Variants in PLCXD3 observed in about 807,000 individuals in gnomAD.
PLCXD3 encodes PI-PLC X domain-containing protein 3.
In PLCXD3, 19 loss-of-function variants were observed where a neutral mutation model predicts 25.5. The ratio of observed to expected loss-of-function variants is 0.75; its 90% CI spans 0.52 to 1.09. The LOEUF (loss-of-function observed/expected upper bound fraction) is 1.09. PLCXD3 is among the 50% of genes least tolerant of loss of function. The pLI is 0.00. For missense variants in PLCXD3, 411 were observed against 388.1 expected, an observed-to-expected ratio of 1.06 and a Z score of -0.50; for synonymous variants, 174 against 137.6, an observed-to-expected ratio of 1.26 and a Z score of -1.85.
At chr5:41,447,656 A>T (rs1747535415) in intron 1 of PLCXD3, among the ~76,000 whole-genome samples, 1 of 152,244 alleles carries the variant, frequency 6.6e-6, no homozygotes, top group South Asian at 2.1e-4. Flanking sequence ...AATTGCCAAG[A>T]TTGGGACGGA....
chr5:41,330,344 A>G (rs1221491850), intron 2 of PLCXD3, among the ~76,000 whole-genome samples: 3 of 152,254 alleles, frequency 2.0e-5, no homozygotes, highest in African/African-American at 7.2e-5. Context: ...TAGAAAATCA[A>G]GAAGAAATGG....
At chr5:41,405,822 T>C (rs1024518089) in intron 1 of PLCXD3, among the ~76,000 whole-genome samples, 2 of 152,116 alleles carry the variant, frequency 1.3e-5, no homozygotes, top group African/African-American at 4.8e-5. Context: ...ATTCTCAGAT[T>C]AGTCTACTTA....
chr5:41,363,119 T>G (rs766191659), intron 2 of PLCXD3, among the ~76,000 whole-genome samples: 2 of 152,194 alleles, frequency 1.3e-5, no homozygotes, highest in Non-Finnish European at 2.9e-5. Context: ...AAATGACTTC[T>G]CCTGGCTTAC....
chr5:41,503,776 G>A (rs955421669), intron 1 of PLCXD3, among the ~76,000 whole-genome samples: 1 of 152,142 alleles, frequency 6.6e-6, no homozygotes, highest in Non-Finnish European at 1.5e-5. Context: ...AGACATGAGA[G>A]GAGTCTATAA....
chr5:41,365,558 C>G (rs182350778), intron 2 of PLCXD3, among the ~76,000 whole-genome samples: 143 of 152,276 alleles, frequency 9.4e-4, no homozygotes, highest in African/African-American at 3.3e-3. Context: ...AAGCCCACAG[C>G]ACATTCTATG....
At chr5:41,464,693 CT>C (rs753358909) in intron 1 of PLCXD3, among the ~76,000 whole-genome samples, 4 of 152,042 alleles carry the variant, frequency 2.6e-5, no homozygotes, top group Non-Finnish European at 4.4e-5. Flanking sequence ...AATCTGAAGA[CT>C]TATGTCTTCT....
intron 1 of PLCXD3, among the ~76,000 whole-genome samples, chr5:41,403,195 GATATAAA>G (rs1164577256): frequency 6.6e-6 from 1 of 150,978 alleles, no homozygotes; most frequent in East Asian, 1.9e-4. Context: ...TTGTGGATAT[GATATAAA>G]ATGCATTTCT....
chr5:41,383,914 C>A (rs780615224), intron 1 of PLCXD3, among the ~76,000 whole-genome samples: 20 of 151,800 alleles, frequency 1.3e-4, no homozygotes, highest in Non-Finnish European at 2.4e-4. Flanking sequence ...ATGTATATTT[C>A]TACATTTATG....
At chr5:41,428,372 GA>G (rs1747011892) in intron 1 of PLCXD3, among the ~76,000 whole-genome samples, 2 of 129,768 alleles carry the variant, frequency 1.5e-5, no homozygotes, top group Non-Finnish European at 3.2e-5. Flanking sequence ...AAGTTAAAAT[GA>G]GTTTTTTTGT....
chr5:41,461,748 A>G (rs1329773768), intron 1 of PLCXD3, among the ~76,000 whole-genome samples: 2 of 151,988 alleles, frequency 1.3e-5, no homozygotes, highest in African/African-American at 4.8e-5. Context: ...CTGCTCCCAA[A>G]TCGTAGCAGC....
rs560176399 is a variant in PLCXD3 at position 41,358,324 on chromosome 5, T to C, written c.812+23502A>G. ...TTTTTTTATTTCTTTTATATTTCAG[T>C]AGGTTTTTGGGGAACAGGTTGTGTT... On this transcript the variant is annotated intron_variant, in intron 2 of 2. Coordinates refer to ENST00000377801, the MANE Select transcript of PLCXD3 (RefSeq NM_001005473.3). 4.6e-5 allele frequency among the ~76,000 whole-genome samples: 7 copies of C among 152,236 alleles called. No individual in the cohort carries two copies. The East Asian group carries it at 1.2e-3, about 25-fold the overall frequency.
At chr5:41,435,328 CT>C (rs1281991943) in intron 1 of PLCXD3, among the ~76,000 whole-genome samples, 2 of 152,152 alleles carry the variant, frequency 1.3e-5, no homozygotes, top group African/African-American at 4.8e-5. Flanking sequence ...CCCCTTTTGG[CT>C]CTGTAAGTAA....
chr5:41,506,158 C>G (rs1749048181), intron 1 of PLCXD3, among the ~76,000 whole-genome samples: 1 of 152,166 alleles, frequency 6.6e-6, no homozygotes, highest in Admixed American at 6.5e-5. Flanking sequence ...GGTCCCTGAA[C>G]CAACTCTGAG....
chr5:41,430,762 C>G (rs958654799), intron 1 of PLCXD3, among the ~76,000 whole-genome samples: 1 of 151,998 alleles, frequency 6.6e-6, no homozygotes, highest in Non-Finnish European at 1.5e-5. Context: ...ATAAATTATT[C>G]GAAAGCTTTT....
At chr5:41,399,476 G>A (rs2150499189) in intron 1 of PLCXD3, among the ~76,000 whole-genome samples, 1 of 152,134 alleles carries the variant, frequency 6.6e-6, no homozygotes, top group South Asian at 2.1e-4. Flanking sequence ...AAAACAGCAT[G>A]GTACTGACAT....
At chr5:41,506,467 A>G (rs546390741) in intron 1 of PLCXD3, among the ~76,000 whole-genome samples, 2 of 152,210 alleles carry the variant, frequency 1.3e-5, no homozygotes, top group African/African-American at 4.8e-5. Flanking sequence ...CTTCTGTATC[A>G]CTATCCACTA....
intron 2 of PLCXD3, among the ~76,000 whole-genome samples, chr5:41,348,647 G>T (rs1394120572): frequency 2.0e-5 from 3 of 149,184 alleles, no homozygotes; most frequent in Admixed American, 6.6e-5. Flanking sequence ...TTTTTTGTTT[G>T]TTTGTTTGTT....
intron 1 of PLCXD3, among the ~76,000 whole-genome samples, chr5:41,492,168 G>T (rs1348869722): frequency 1.3e-5 from 2 of 152,138 alleles, no homozygotes; most frequent in Admixed American, 6.5e-5. Context: ...TGTCTGTAAA[G>T]TATTTTATTT....
At position 41,308,488 on chromosome 5, in the gene PLCXD3, A is replaced by C. The variant is rs1743052822; in HGVS notation, c.*5129T>G. On this transcript the variant is annotated 3_prime_UTR_variant, in exon 3 of 3. Transcript: ENST00000377801. The stretch of plus-strand genomic sequence containing the variant: ...ATCAGATCCAAGCCCAAAGAAGGTC[A>C]CAGAATTTTTGCTTCAAGCATGACC... The C allele has an allele frequency of 6.6e-6, 1 of 152,150 alleles. No homozygotes were observed. Among genetic ancestry groups the C allele is most frequent in the African/African-American group, 2.4e-5 (1 of 41,444 alleles). 9.4% of individuals were successfully genotyped at this position (152,150 alleles called of 1,614,324 possible).
Sources: gnomAD v4.1 joint callset for allele counts (sites outside exome capture counted in the v4.1 genomes callset) on GRCh38, gnomAD v4.1.1 for gene constraint, MANE v1.5 for transcripts, NCBI Gene and HGNC (gene_info 2026-07-23, HGNC 2026-07-21) for gene names.